CSF3R: variants seen among roughly 807,000 people sequenced by gnomAD.
CSF3R encodes colony stimulating factor 3 receptor.
CSF3R carries 52 observed loss-of-function variants against 84.4 expected under a neutral mutation model. The observed-to-expected ratio is 0.62, with a 90% CI of 0.49 to 0.78. CSF3R has a LOEUF of 0.78. Among genes scored for constraint, CSF3R ranks in the 30% least tolerant of loss-of-function variants. The pLI, the probability that CSF3R is intolerant of heterozygous loss-of-function variation, is 0.00. For missense variants in CSF3R, 890 were observed against 1,055.7 expected (o/e 0.84, Z 2.17); for synonymous variants, 384 against 429.1 (o/e 0.89, Z 1.30).
At chr1:36,471,735 A>T (rs1461352953) in intron 9 of CSF3R, 89 bp from the exon 10 acceptor site, 67 of 1,336,884 alleles carry the variant, frequency 5.0e-5, no homozygotes, top group South Asian at 3.0e-4. Flanking sequence ...GGATCATACA[A>T]ACGGAGCCTC....
At chr1:36,475,266 C>G (rs2124135197) in intron 4 of CSF3R, 111 bp downstream of exon 4, 1 of 1,395,596 alleles carries the variant, frequency 7.2e-7, no homozygotes, top group Non-Finnish European at 1.0e-6. Flanking sequence ...CTCGGCCTCC[C>G]AAAGTGCTGG....
At chr1:36,471,904 A>G in intron 9 of CSF3R, 162 bp downstream of exon 9, 1 of 771,382 alleles carries the variant, frequency 1.3e-6, no homozygotes, top group Non-Finnish European at 2.2e-6. Context: ...AGTCTGTCCA[A>G]AAGCTAACTC....
At position 36,475,456 on chromosome 1, in the gene CSF3R, G is replaced by A. The variant is rs1161640193; in HGVS notation, c.282C>T (p.His94=). 6.2e-7 allele frequency: 1 copy of A among 1,614,220 alleles called. No individual in the cohort carries two copies. The highest frequency in any genetic ancestry group is 2.2e-5 in the East Asian group (1 of 44,884). The part of the protein sequence containing the change: ...ESIITLPHLN[H]TQAFLSCCLN... The stretch of plus-strand genomic sequence containing the variant: ...GGCAGCAGGAGAGAAAGGCCTGAGT[G>A]TGGTTGAGGTGGGGCAGGGTGATGA... Residue 94 remains histidine (H), a synonymous_variant, in exon 4 of 17, where the codon CAC becomes CAT. Transcript: ENST00000373106.
intron 3 of CSF3R, chr1:36,476,892 G>T (rs549872801): frequency 2.0e-5 from 3 of 151,418 alleles, no homozygotes; most frequent in African/African-American, 7.3e-5. Context: ...CTAATCTTGA[G>T]CTCCTGGGCT....
rs909076383 is a variant in CSF3R, at chr1:36,479,283, A to G, written c.64+150T>C. ...TTGCCTGTGGAAGTCTGTGGGTGGG[A>G]GACCAGCTACCCCACATCTGTGGCT... On this transcript the variant is annotated intron_variant, in intron 3 of 16. Coordinates refer to ENST00000373106, the MANE Select transcript of CSF3R (RefSeq NM_000760.4). 4 of 803,050 alleles carry G rather than the reference A, an allele frequency of 5.0e-6. No individual in the cohort carries two copies. In the African/African-American group the frequency reaches 6.8e-5, roughly 14 times the overall value. The allele number at this position is 803,050 out of a possible 1,614,324, so 49.7% of individuals were successfully genotyped here.
Position 36,472,540 on chromosome 1 carries a change from G to A in CSF3R, c.820C>T (p.Arg274Cys), listed in dbSNP as rs759587248. The A allele has an allele frequency of 6.8e-6, 11 of 1,614,164 alleles. No individual in the cohort carries two copies. The Admixed American group carries it at 8.3e-5, about 12-fold the overall frequency. ...ACCAGTGCCCAGCTGGCTTCTCCAC[G>A]CTGCGGCTTGTGGCGCAGCTCACAC... ...QKCELRHKPQ[R>C]GEASWALVGP... The change falls in exon 7 of 17, where the codon CGT becomes TGT. Residue 274 changes from arginine to cysteine, a missense_variant. Coordinates refer to ENST00000373106, the MANE Select transcript of CSF3R (RefSeq NM_000760.4). This position sits in a 1 kb window ranked among gnomAD's most constrained non-coding sequence, Gnocchi z 5.0.
At position 36,468,059 on chromosome 1, in the gene CSF3R, C is replaced by G. The variant is rs1440552007; in HGVS notation, c.1723+16G>C. On this transcript the variant is annotated intron_variant, in intron 13 of 16. Coordinates refer to ENST00000373106, the MANE Select transcript of CSF3R (RefSeq NM_000760.4). ...CAGGCCTTCTGGGGCTGTGGGGGAA[C>G]TGAGGATAGACTCACAGAAGGACTG... 3 of 1,614,246 alleles carry G rather than the reference C, an allele frequency of 1.9e-6. No individual in the cohort carries two copies. The South Asian group carries it at 3.3e-5, about 18-fold the overall frequency.
In CSF3R at chr1:36,472,824, G is replaced by A. The variant is rs1650862531; in HGVS notation, c.674-138C>T. On this transcript the variant is annotated intron_variant, in intron 6 of 16. Coordinates refer to ENST00000373106, the MANE Select transcript of CSF3R (RefSeq NM_000760.4). The surrounding 1 kb of genome is among the most constrained non-coding windows in gnomAD (Gnocchi z 5.0). Reference sequence around the variant, plus strand: ...CACGTTTCTGTGGTTCGATCTCTATGTGTCTTTGTTTCTCTCTAGGTCTCT... The same window carrying A: ...CACGTTTCTGTGGTTCGATCTCTATATGTCTTTGTTTCTCTCTAGGTCTCT... 3.8e-6 allele frequency: 4 copies of A among 1,060,622 alleles called. No homozygotes were observed. The highest frequency in any genetic ancestry group is 5.3e-5 in the East Asian group (2 of 38,054). The allele number at this position is 1,060,622 out of a possible 1,614,324, so 65.7% of individuals were successfully genotyped here. A position where few individuals can be genotyped will look rare whatever the true frequency, so the allele number is the denominator to read the frequency against.
Position 36,472,827 on chromosome 1 carries a change from T to A in CSF3R, c.674-141A>T. ...GTTTCTGTGGTTCGATCTCTATGTG[T>A]CTTTGTTTCTCTCTAGGTCTCTGTT... is the stretch of plus-strand genomic sequence containing the variant. On this transcript the variant is annotated intron_variant, in intron 6 of 16. Transcript: ENST00000373106. This position sits in a 1 kb window ranked among gnomAD's most constrained non-coding sequence, Gnocchi z 5.0. 1.0e-6 allele frequency: 1 copy of A among 1,003,506 alleles called. No homozygotes were observed. Among genetic ancestry groups the A allele is most frequent in the Non-Finnish European group, 1.4e-6 (1 of 705,018 alleles). The allele number at this position is 1,003,506 out of a possible 1,614,324, so 62.2% of individuals were successfully genotyped here.
chr1:36,475,284 G>A, intron 4 of CSF3R, 93 bp downstream of exon 4: 1 of 1,498,888 alleles, frequency 6.7e-7, no homozygotes, highest in Non-Finnish European at 9.3e-7. Context: ...TGGGAATACA[G>A]GCGTGAGCCA....
intron 3 of CSF3R, among the ~76,000 whole-genome samples, chr1:36,478,138 C>T (rs1325297133): frequency 6.6e-6 from 1 of 152,230 alleles, no homozygotes; most frequent in Non-Finnish European, 1.5e-5. Flanking sequence ...CCCTCTACAG[C>T]AGGGCTTGAG....
rs866467776 is a variant in CSF3R at position 36,468,216 on chromosome 1, A to G, written c.1582T>C (p.Ser528Pro). ...TTTAGATGCAGCTCTGGGGCATGGGAGGGAGCTATGGGAAGAGAGAGGTGC... is the reference window on the plus strand; with the variant it reads ...TTTAGATGCAGCTCTGGGGCATGGGGGGGAGCTATGGGAAGAGAGAGGTGC... The part of the protein sequence containing the change: ...VYAYSQEMAP[S>P]HAPELHLKHI... The change falls in exon 13 of 17, where the codon TCC becomes CCC. Residue 528 changes from serine to proline, a missense_variant. By Grantham distance (74) the Ser-to-Pro change is moderately conservative. Transcript: ENST00000373106. 1 of 1,587,180 alleles carries G rather than the reference A, an allele frequency of 6.3e-7. No homozygotes were observed. Among genetic ancestry groups the G allele is most frequent in the Non-Finnish European group, 8.6e-7 (1 of 1,165,984 alleles).
At chr1:36,478,265 A>G (rs1468464203) in intron 3 of CSF3R, among the ~76,000 whole-genome samples, 5 of 151,424 alleles carry the variant, frequency 3.3e-5, no homozygotes, top group South Asian at 2.1e-4. Context: ...GCGGTGGTTC[A>G]TGCCTGTAAT....
intron 2 of CSF3R, 112 bp from the exon 3 acceptor site, chr1:36,479,628 G>A (rs1262849585): frequency 7.3e-6 from 6 of 821,710 alleles, no homozygotes; most frequent in Admixed American, 2.0e-5. Flanking sequence ...CTGAGCCTTC[G>A]TTTCTTTGCA....
chr1:36,475,808 G>A (rs1651107727), intron 3 of CSF3R, 135 bp from the exon 4 acceptor site: 1 of 870,312 alleles, frequency 1.1e-6, no homozygotes, highest in Admixed American at 2.9e-5. Flanking sequence ...GCTGGAAATG[G>A]AAGGATGGGG....
At chr1:36,479,056 C>G (rs1651357369) in intron 3 of CSF3R, 1 of 354,238 alleles carries the variant, frequency 2.8e-6, no homozygotes, top group Admixed American at 3.9e-5. Flanking sequence ...AAACCAAGCT[C>G]TGCCTGGGCT....
intron 6 of CSF3R, 108 bp downstream of exon 6, chr1:36,473,327 C>T (rs1570590626): frequency 7.8e-7 from 1 of 1,290,082 alleles, no homozygotes; most frequent in East Asian, 2.4e-5. Context: ...GCCTCTGTCT[C>T]TAGGTCTTCC....
In CSF3R at chr1:36,467,669, C is replaced by T; in HGVS notation, c.1865-18G>A. 5 of 1,613,728 alleles carry T rather than the reference C, an allele frequency of 3.1e-6. No homozygotes were observed. The highest frequency in any genetic ancestry group is 4.2e-6 in the Non-Finnish European group (5 of 1,179,644). ...CGACCCCTCTGCAGTGAGGGCAGGG[C>T]CGGAAGAAGTTAGAATGCATGTTGG... On this transcript the variant is annotated intron_variant, in intron 14 of 16. Transcript: ENST00000373106. This position sits in a 1 kb window ranked among gnomAD's most constrained non-coding sequence, Gnocchi z 4.1.
chr1:36,475,673 C>T lies in CSF3R; in HGVS notation c.65G>A (p.Ser22Asn). ...ACTGATGTGCCCGCACTCCTCCAGA[C>T]CTGGGGTGGAAGAGAATGGGCCAGG... ...AALIILLLPG[S>N]LEECGHISVS... Residue 22 changes from serine (S) to asparagine (N), a missense_variant and splice_region_variant, in exon 4 of 17, where the codon AGT (serine) becomes AAT (asparagine). Transcript: ENST00000373106. 2 of 1,605,430 alleles carry T rather than the reference C, an allele frequency of 1.2e-6. 1 individual carries two copies. The highest frequency in any genetic ancestry group is 3.9e-4 in the Middle Eastern group (2 of 5,106).
Sources: gnomAD v4.1 joint callset for allele counts (sites outside exome capture counted in the v4.1 genomes callset) on GRCh38, gnomAD v4.1.1 for gene constraint, Gnocchi (gnomAD v3.1) non-coding constraint, MANE v1.5 for transcripts, NCBI Gene and HGNC (gene_info 2026-07-23, HGNC 2026-07-21) for gene names.